The following CNNM1 variants were observed in gnomAD, a reference collection of about 807,000 sequenced individuals.
CNNM1 encodes cyclin and CBS domain divalent metal cation transport mediator 1.
CNNM1 carries 44 observed loss-of-function variants against 78.8 expected under a neutral mutation model. The ratio of observed to expected loss-of-function variants is 0.56; its 90% confidence interval spans 0.44 to 0.72. CNNM1 has a LOEUF of 0.72. Among genes scored for constraint, CNNM1 ranks in the 30% least tolerant of loss-of-function variants. The probability of loss-of-function intolerance (pLI) is 0.00; values close to 1 mark genes in which losing one functional copy is unlikely to be tolerated. For missense variants in CNNM1, 1,101 were observed against 1,292.2 expected (o/e 0.85, Z 2.27); for synonymous variants, 584 against 581.5 (o/e 1.00, Z -0.06).
intron 1 of CNNM1, among the ~76,000 whole-genome samples, chr10:99,333,885 A>T (rs2030043239): frequency 6.6e-6 from 1 of 152,208 alleles, no homozygotes. Context: ...GGTCGAAAAA[A>T]GCTCCTTTAG....
intron 7 of CNNM1, among the ~76,000 whole-genome samples, chr10:99,385,690 G>T (rs1188587606): frequency 6.6e-6 from 1 of 152,198 alleles, no homozygotes; most frequent in African/African-American, 2.4e-5. Flanking sequence ...GATCAGAGAG[G>T]TTAACAATGT....
Position 99,329,861 on chromosome 10 carries a change from C to A in CNNM1, c.474C>A (p.Ala158=). The A allele has an allele frequency of 7.1e-7, 1 of 1,410,308 alleles. No homozygotes were observed. The highest frequency in any genetic ancestry group is 1.6e-5 in the South Asian group (1 of 63,680). 87.4% of individuals were successfully genotyped at this position (1,410,308 alleles called of 1,614,324 possible). Residue 158 remains alanine (A), a synonymous_variant, in exon 1 of 11, where the codon GCC becomes GCA. Transcript: ENST00000356713. Reference sequence around the variant, plus strand: ...GTCCCGGGGGCGTGGCAGGCTCGGCCCTGGTCCAGGTGCGAGTGCGGGAGC... The same window carrying A: ...GTCCCGGGGGCGTGGCAGGCTCGGCACTGGTCCAGGTGCGAGTGCGGGAGC... ...PLRPGGVAGS[A]LVQVRVRELR... is the part of the protein sequence containing the mutation.
chr10:99,356,500 G>A (rs879514798), intron 1 of CNNM1, among the ~76,000 whole-genome samples: 41 of 145,114 alleles, frequency 2.8e-4, no homozygotes, highest in Non-Finnish European at 5.4e-4. Context: ...GAGAGAGAGA[G>A]AGAGAGAGAG....
At position 99,332,115 on chromosome 10, in the gene CNNM1, A is replaced by T. The variant is rs537807705; in HGVS notation, c.1573+1155A>T. On this transcript the variant is annotated intron_variant, in intron 1 of 10. Coordinates refer to ENST00000356713, the MANE Select transcript of CNNM1 (RefSeq NM_020348.3). ...CACCAGATTTGGCCCAGAACCCTTG[A>T]TTGTTTTTTAAAATCAAATCTACTT... 4.9e-4 allele frequency among the ~76,000 whole-genome samples: 74 copies of T among 152,276 alleles called. 2 individuals carry two copies. In the South Asian group the frequency reaches 0.012, roughly 25 times the overall value.
intron 1 of CNNM1, among the ~76,000 whole-genome samples, chr10:99,347,627 A>G (rs2030754708): frequency 1.8e-5 from 2 of 111,316 alleles, no homozygotes; most frequent in South Asian, 6.9e-4. Context: ...TTTTTATGTC[A>G]CTGAGAGTAA....
intron 1 of CNNM1, 64 bp downstream of exon 1, chr10:99,331,024 C>T (rs2134008673): frequency 6.8e-7 from 1 of 1,472,464 alleles, no homozygotes; most frequent in Non-Finnish European, 9.1e-7. Flanking sequence ...CCTTTCCTAA[C>T]CACGTGAGGC....
chr10:99,377,817 G>A (rs2032021716), intron 7 of CNNM1, among the ~76,000 whole-genome samples: 1 of 152,138 alleles, frequency 6.6e-6, no homozygotes, highest in South Asian at 2.1e-4. Flanking sequence ...AGAACCATGT[G>A]CAATTGCCCA....
At chr10:99,367,109 AC>A (rs1390075809) in intron 6 of CNNM1, among the ~76,000 whole-genome samples, 1 of 152,090 alleles carries the variant, frequency 6.6e-6, no homozygotes, top group Non-Finnish European at 1.5e-5. Context: ...GGCCAGCCAT[AC>A]CCCACAGTTA....
intron 7 of CNNM1, among the ~76,000 whole-genome samples, chr10:99,385,803 C>T (rs570289851): frequency 6.6e-6 from 1 of 152,274 alleles, no homozygotes; most frequent in South Asian, 2.1e-4. Context: ...AACTTCAGTT[C>T]TTGGCACTGT....
At chr10:99,378,698 C>T (rs2032051309) in intron 7 of CNNM1, among the ~76,000 whole-genome samples, 1 of 152,168 alleles carries the variant, frequency 6.6e-6, no homozygotes, top group Non-Finnish European at 1.5e-5. Context: ...CTCACAGCCA[C>T]CCTATGAGGT....
rs1355725672 is a variant in CNNM1 at position 99,394,109 on chromosome 10, T to A, written c.*2593T>A. ...GCCTGCCTGGCTGGTCTTCATCACC[T>A]GAGGCCACCAGGCTCAAGCCACTGC... On this transcript the variant is annotated 3_prime_UTR_variant, in exon 11 of 11. Coordinates refer to ENST00000356713, the MANE Select transcript of CNNM1 (RefSeq NM_020348.3). 1 of 152,656 alleles carries A rather than the reference T, an allele frequency of 6.6e-6. No individual in the cohort carries two copies. The allele number at this position is 152,656 out of a possible 1,614,324, so 9.5% of individuals were successfully genotyped here. A position where few individuals can be genotyped will look rare whatever the true frequency, so the allele number is the denominator to read the frequency against.
intron 6 of CNNM1, among the ~76,000 whole-genome samples, chr10:99,376,710 A>G (rs1468325422): frequency 6.6e-6 from 1 of 152,212 alleles, no homozygotes; most frequent in African/African-American, 2.4e-5. Context: ...ACAAGAACCA[A>G]GGAAGATGTG....
At chr10:99,349,001 C>T (rs1020379416) in intron 1 of CNNM1, among the ~76,000 whole-genome samples, 18 of 152,110 alleles carry the variant, frequency 1.2e-4, no homozygotes, top group Non-Finnish European at 2.6e-4. Context: ...GCCTGGGAGG[C>T]GGAGGTTGCA....
chr10:99,343,268 G>A (rs555188319), intron 1 of CNNM1, among the ~76,000 whole-genome samples: 4 of 152,078 alleles, frequency 2.6e-5, no homozygotes, highest in South Asian at 2.1e-4. Context: ...CGCCCGGCAT[G>A]TCTTTTATGA....
intron 6 of CNNM1, among the ~76,000 whole-genome samples, chr10:99,369,712 TC>T (rs1214410066): frequency 6.6e-6 from 1 of 152,204 alleles, no homozygotes; most frequent in Non-Finnish European, 1.5e-5. Context: ...TCTCTCTCTC[TC>T]GATGGTGATT....
intron 6 of CNNM1, 56 bp downstream of exon 6, chr10:99,365,058 C>A: frequency 6.3e-7 from 1 of 1,582,242 alleles, no homozygotes; most frequent in East Asian, 2.2e-5. Context: ...TGCCTCAGCC[C>A]GCTCTGGGGA....
At chr10:99,388,435 A>T in intron 9 of CNNM1, 134 bp downstream of exon 9, 1 of 964,156 alleles carries the variant, frequency 1.0e-6, no homozygotes. Flanking sequence ...CTCCTTACAC[A>T]GCCAGGGAAA....
chr10:99,387,319 A>C (rs2032334999), intron 7 of CNNM1, among the ~76,000 whole-genome samples: 1 of 152,158 alleles, frequency 6.6e-6, no homozygotes, highest in Admixed American at 6.5e-5. Flanking sequence ...GCATAGGAGC[A>C]TGACCCTACA....
At position 99,329,542 on chromosome 10, in the gene CNNM1, G is replaced by A; in HGVS notation, c.155G>A (p.Gly52Glu). ...LLGLRPEDTA[G>E]GRVSLEGGTL... ...GGCCTGCGGCCCGAGGACACTGCTG[G>A]AGGCCGCGTGTCCCTGGAGGGGGGC... is the stretch of plus-strand genomic sequence containing the variant. Residue 52 changes from glycine (G) to glutamate (E), a missense_variant, in exon 1 of 11, where the codon GGA (glycine) becomes GAA (glutamate). Physicochemically the swap from Gly to Glu is moderately conservative, Grantham distance 98. Coordinates refer to ENST00000356713, the MANE Select transcript of CNNM1 (RefSeq NM_020348.3). 6.6e-7 allele frequency: 1 copy of A among 1,518,452 alleles called. No individual in the cohort carries two copies. The highest frequency in any genetic ancestry group is 8.7e-7 in the Non-Finnish European group (1 of 1,143,526). The allele number at this position is 1,518,452 out of a possible 1,614,324, so 94.1% of individuals were successfully genotyped here.
Sources: gnomAD v4.1 joint callset for allele counts (sites outside exome capture counted in the v4.1 genomes callset) on GRCh38, gnomAD v4.1.1 for gene constraint, MANE v1.5 for transcripts, NCBI Gene and HGNC (gene_info 2026-07-23, HGNC 2026-07-21) for gene names.